Variants in ZSCAN1 observed in about 807,000 individuals in gnomAD.
ZSCAN1 encodes the protein zinc finger and SCAN domain containing 1, also known as zinc finger and SCAN domain-containing protein 1.
A neutral mutation model predicts 23.8 loss-of-function variants in ZSCAN1; 23 were observed. That is an observed-to-expected ratio of 0.97 (90% confidence interval 0.70 to 1.37). The LOEUF (loss-of-function observed/expected upper bound fraction) is 1.37. Ranked by LOEUF, ZSCAN1 falls within the 40% of genes most tolerant of loss-of-function variation. ZSCAN1 has a pLI of 0.00. For synonymous variants in ZSCAN1, 236 were observed against 232.3 expected, an observed-to-expected ratio of 1.02 and a Z score of -0.15; for missense variants, 575 against 554.0, an observed-to-expected ratio of 1.04 and a Z score of -0.38.
intron 4 of ZSCAN1, among the ~76,000 whole-genome samples, chr19:58,050,721 A>G (rs2073853952): frequency 6.6e-6 from 1 of 151,982 alleles, no homozygotes; most frequent in Admixed American, 6.5e-5. Context: ...GGGTTTCACC[A>G]TGTTGGCCTA....
intron 2 of ZSCAN1, 25 bp from the exon 3 acceptor site, chr19:58,037,703 C>T: frequency 2.6e-6 from 3 of 1,152,442 alleles, no homozygotes; most frequent in South Asian, 1.7e-5. Context: ...TGATGTGACC[C>T]CTCTGTCCCT....
In ZSCAN1 at chr19:58,053,610, G is replaced by A; in HGVS notation, c.786G>A (p.Gln262=). The A allele has an allele frequency of 6.2e-7, 1 of 1,614,142 alleles. No homozygotes were observed. The highest frequency in any genetic ancestry group is 8.5e-7 in the Non-Finnish European group (1 of 1,180,036). Residue 262 remains glutamine (Q), a synonymous_variant, in exon 6 of 6, where the codon CAG becomes CAA. Coordinates refer to ENST00000282326, the MANE Select transcript of ZSCAN1 (RefSeq NM_182572.4). The surrounding 1 kb of genome is among the most constrained non-coding windows in gnomAD (Gnocchi z 5.8). ...ACACTGACCAGAGCGGCCGCCACCA[G>A]CCATCCCTCAAGCACACCAAAGGTG... The part of the protein sequence containing the change: ...NRNTDQSGRH[Q]PSLKHTKGGT...
At chr19:58,042,112 A>G (rs941260149) in intron 4 of ZSCAN1, among the ~76,000 whole-genome samples, 4 of 152,042 alleles carry the variant, frequency 2.6e-5, no homozygotes, top group African/African-American at 9.7e-5. Context: ...GGGAGCTAAG[A>G]ACATAAAGTA....
Position 58,053,674 on chromosome 19 carries a change from C to T in ZSCAN1, c.850C>T (p.Arg284Cys), listed in dbSNP as rs771662377. ...EAVAGISVVP[R>C]GPRGGRPFQC... ...TGTTGCAGGCATCTCGGTAGTGCCGCGTGGGCCCCGAGGTGGGCGGCCCTT... is the reference window on the plus strand; with the variant it reads ...TGTTGCAGGCATCTCGGTAGTGCCGTGTGGGCCCCGAGGTGGGCGGCCCTT... The change falls in exon 6 of 6, where the codon CGT becomes TGT. Residue 284 changes from arginine to cysteine, a missense_variant. Physicochemically the swap from Arg to Cys is radical, Grantham distance 180. Transcript: ENST00000282326. This position sits in a 1 kb window ranked among gnomAD's most constrained non-coding sequence, Gnocchi z 5.8. 8.1e-6 allele frequency: 13 copies of T among 1,614,050 alleles called. No individual in the cohort carries two copies. The highest frequency in any genetic ancestry group is 4.4e-5 in the South Asian group (4 of 91,084).
In ZSCAN1 at chr19:58,047,334, G is replaced by A. The variant is rs2073832590; in HGVS notation, c.466-5156G>A. Among the ~76,000 whole-genome samples the A allele has an allele frequency of 6.6e-6, 1 of 152,246 alleles. No homozygotes were observed. The highest frequency in any genetic ancestry group is 6.5e-5 in the Admixed American group (1 of 15,282). On this transcript the variant is annotated intron_variant, in intron 4 of 5. Transcript: ENST00000282326. This position sits in a 1 kb window ranked among gnomAD's most constrained non-coding sequence, Gnocchi z 4.9. ...ATCTGCCATCTCTGTGGCCTCTGGA[G>A]AGTGACGTCTCCCTGCTGGCAGGGC...
rs201828583 is a variant in ZSCAN1, at chr19:58,054,050, G to C, written c.1226G>C (p.Ter409SerextTer68). The change falls in exon 6 of 6, where the codon TGA becomes TCA. Residue 409 changes from the stop codon to serine (S), a stop_lost. Coordinates refer to ENST00000282326, the MANE Select transcript of ZSCAN1 (RefSeq NM_182572.4). This position sits in a 1 kb window ranked among gnomAD's most constrained non-coding sequence, Gnocchi z 4.2. ...CTCCACACGGCCCACGGCCACATGTGAATGGCCAGCCTCGGGCCTCGGCCA... is the reference window on the plus strand; with the variant it reads ...CTCCACACGGCCCACGGCCACATGTCAATGGCCAGCCTCGGGCCTCGGCCA... ...QKLHTAHGHM[*>S] The C allele has an allele frequency of 2.0e-6, 3 of 1,506,476 alleles. No individual in the cohort carries two copies. The highest frequency in any genetic ancestry group is 4.7e-5 in the East Asian group (2 of 42,942). 93.3% of individuals were successfully genotyped at this position (1,506,476 alleles called of 1,614,324 possible). A position where few individuals can be genotyped will look rare whatever the true frequency, so the allele number is the denominator to read the frequency against.
Position 58,045,664 on chromosome 19 carries a change from G to A in ZSCAN1, c.465+5120G>A. 2 of 916,090 alleles carry A rather than the reference G, an allele frequency of 2.2e-6. No individual in the cohort carries two copies. Among genetic ancestry groups the A allele is most frequent in the South Asian group, 2.6e-5 (2 of 76,530 alleles). The allele number at this position is 916,090 out of a possible 1,614,324, so 56.7% of individuals were successfully genotyped here. On this transcript the variant is annotated intron_variant, in intron 4 of 5. Coordinates refer to ENST00000282326, the MANE Select transcript of ZSCAN1 (RefSeq NM_182572.4). The surrounding 1 kb of genome is among the most constrained non-coding windows in gnomAD (Gnocchi z 4.3). Reference sequence around the variant, plus strand: ...GGACAAGCTGTTTGCTGAGGAAGGGGTGGACAGCCTGAACGTCAAGGAGCT... The same window carrying A: ...GGACAAGCTGTTTGCTGAGGAAGGGATGGACAGCCTGAACGTCAAGGAGCT...
rs965171272 is a variant in ZSCAN1, at chr19:58,044,537, A to G, written c.465+3993A>G. 8.9e-5 allele frequency: 42 copies of G among 473,102 alleles called. No individual in the cohort carries two copies. In the Middle Eastern group the frequency reaches 2.3e-3, roughly 26 times the overall value. 29.3% of individuals were successfully genotyped at this position (473,102 alleles called of 1,614,324 possible). ...GCGAAGAGCCGCGGCCGCCGCGGAGAAGGAGGAGGAGCCAGCGCAGGAGGC... is the reference window on the plus strand; with the variant it reads ...GCGAAGAGCCGCGGCCGCCGCGGAGGAGGAGGAGGAGCCAGCGCAGGAGGC... On this transcript the variant is annotated intron_variant, in intron 4 of 5. Coordinates refer to ENST00000282326, the MANE Select transcript of ZSCAN1 (RefSeq NM_182572.4).
At position 58,045,715 on chromosome 19, in the gene ZSCAN1, A is replaced by C. The variant is rs113077022; in HGVS notation, c.465+5171A>C. The C allele has an allele frequency of 2.0e-4, 210 of 1,039,494 alleles. 2 individuals are homozygous for C. In the African/African-American group the frequency reaches 2.4e-3, roughly 12 times the overall value. The allele number at this position is 1,039,494 out of a possible 1,614,324, so 64.4% of individuals were successfully genotyped here. ...GCAGGCGGCATGTCGGGCACGAGGC[A>C]TGCGGGCCCTGGGCGTCAGGGAAAA... On this transcript the variant is annotated intron_variant, in intron 4 of 5. Coordinates refer to ENST00000282326, the MANE Select transcript of ZSCAN1 (RefSeq NM_182572.4). The surrounding 1 kb of genome is among the most constrained non-coding windows in gnomAD (Gnocchi z 4.3).
intron 4 of ZSCAN1, 107 bp from the exon 5 acceptor site, chr19:58,052,383 G>T: frequency 6.4e-7 from 1 of 1,566,102 alleles, no homozygotes. Flanking sequence ...GCACTGCCCT[G>T]GGACAGAGCC....
In ZSCAN1 at chr19:58,045,616, C is replaced by G; in HGVS notation, c.465+5072C>G. Reference sequence around the variant, plus strand: ...CTTCCTGCGCTTCCAGCTCACGATGCGGCTGCGCTCCATAAAGGCAGAGGA... The same window carrying G: ...CTTCCTGCGCTTCCAGCTCACGATGGGGCTGCGCTCCATAAAGGCAGAGGA... On this transcript the variant is annotated intron_variant, in intron 4 of 5. Coordinates refer to ENST00000282326, the MANE Select transcript of ZSCAN1 (RefSeq NM_182572.4). This position sits in a 1 kb window ranked among gnomAD's most constrained non-coding sequence, Gnocchi z 4.3. 2.1e-6 allele frequency: 2 copies of G among 971,450 alleles called. No homozygotes were observed. Among genetic ancestry groups the G allele is most frequent in the East Asian group, 4.7e-5 (2 of 42,114 alleles). The allele number at this position is 971,450 out of a possible 1,614,324, so 60.2% of individuals were successfully genotyped here.
chr19:58,045,611 C>T lies in ZSCAN1; in HGVS notation c.465+5067C>T, dbSNP rs2073820073. 7 of 992,592 alleles carry T rather than the reference C, an allele frequency of 7.1e-6. No individual in the cohort carries two copies. The East Asian group carries it at 9.5e-5, about 13-fold the overall frequency. The allele number at this position is 992,592 out of a possible 1,614,324, so 61.5% of individuals were successfully genotyped here. A position where few individuals can be genotyped will look rare whatever the true frequency, so the allele number is the denominator to read the frequency against. On this transcript the variant is annotated intron_variant, in intron 4 of 5. Transcript: ENST00000282326. The surrounding 1 kb of genome is among the most constrained non-coding windows in gnomAD (Gnocchi z 4.3). ...TACAGCTTCCTGCGCTTCCAGCTCA[C>T]GATGCGGCTGCGCTCCATAAAGGCA... is the stretch of plus-strand genomic sequence containing the variant.
In ZSCAN1 at chr19:58,045,378, G is replaced by A; in HGVS notation, c.465+4834G>A. Reference sequence around the variant, plus strand: ...GCTGGAGCTAGCCGAGTTCCTCCAGGACACCATCCAGGAGATGGCCTTGAA... The same window carrying A: ...GCTGGAGCTAGCCGAGTTCCTCCAGAACACCATCCAGGAGATGGCCTTGAA... On this transcript the variant is annotated intron_variant, in intron 4 of 5. Transcript: ENST00000282326. The surrounding 1 kb of genome is among the most constrained non-coding windows in gnomAD (Gnocchi z 4.3). 2.3e-6 allele frequency: 2 copies of A among 861,698 alleles called. No homozygotes were observed. Among genetic ancestry groups the A allele is most frequent in the Non-Finnish European group, 4.1e-6 (2 of 492,416 alleles). The allele number at this position is 861,698 out of a possible 1,614,324, so 53.4% of individuals were successfully genotyped here.
At chr19:58,050,288 T>C (rs762791835) in intron 4 of ZSCAN1, among the ~76,000 whole-genome samples, 4 of 151,508 alleles carry the variant, frequency 2.6e-5, no homozygotes, top group Non-Finnish European at 5.9e-5. Context: ...ATACAAAAAT[T>C]AGCTGGGTGT....
intron 3 of ZSCAN1, chr19:58,038,416 G>A (rs535753482): frequency 3.1e-6 from 2 of 654,548 alleles, no homozygotes; most frequent in Non-Finnish European, 2.6e-6. Flanking sequence ...TCACTCAGTC[G>A]GTGATTAAAG....
intron 4 of ZSCAN1, among the ~76,000 whole-genome samples, chr19:58,048,218 G>T (rs1433105679): frequency 1.3e-5 from 2 of 152,226 alleles, no homozygotes; most frequent in Non-Finnish European, 2.9e-5. Context: ...TGAGAAAGAA[G>T]TTTGTTTTAG....
intron 4 of ZSCAN1, among the ~76,000 whole-genome samples, chr19:58,048,533 GC>G (rs2073840166): frequency 6.6e-6 from 1 of 152,214 alleles, no homozygotes; most frequent in Non-Finnish European, 1.5e-5. Flanking sequence ...AGGCTGGAGT[GC>G]CGTGGCATGA....
At chr19:58,044,614 C>T (rs2073812069) in intron 4 of ZSCAN1, 1 of 1,052,484 alleles carries the variant, frequency 9.5e-7, no homozygotes. Flanking sequence ...TGAGGAGCTG[C>T]CGCGGCTGGG....
chr19:58,034,282 G>A (rs1227620788), intron 1 of ZSCAN1, 121 bp downstream of exon 1: 2 of 150,778 alleles, frequency 1.3e-5, no homozygotes, highest in Non-Finnish European at 3.0e-5. Context: ...CCAGGGGCGC[G>A]CGTCGGGGGA....
Sources: gnomAD v4.1 joint callset for allele counts (sites outside exome capture counted in the v4.1 genomes callset) on GRCh38, gnomAD v4.1.1 for gene constraint, Gnocchi (gnomAD v3.1) non-coding constraint, MANE v1.5 for transcripts, NCBI Gene and HGNC (gene_info 2026-07-23, HGNC 2026-07-21) for gene names.